The following DPP10 variants were observed in gnomAD, a reference collection of about 807,000 sequenced individuals.
DPP10 encodes dipeptidyl peptidase like 10, also known as inactive dipeptidyl peptidase 10.
A neutral mutation model predicts 120.9 loss-of-function variants in DPP10; 33 were observed. That is an observed-to-expected ratio of 0.27 (90% CI 0.21 to 0.37). The LOEUF is 0.37. Among genes scored for constraint, DPP10 ranks in the 10% least tolerant of loss-of-function variants. The pLI is 1.00. For missense variants in DPP10, 816 were observed against 942.8 expected (o/e 0.87, Z 1.76); for synonymous variants, 337 against 326.1 (o/e 1.03, Z -0.36).
chr2:114,713,792 C>T (rs1212606996), intron 1 of DPP10, among the ~76,000 whole-genome samples: 1 of 151,896 alleles, frequency 6.6e-6, no homozygotes, highest in Non-Finnish European at 1.5e-5. Context: ...TTGAGACCAG[C>T]CTGGCCAACA....
At chr2:115,755,200 A>C (rs1462562364) in intron 11 of DPP10, among the ~76,000 whole-genome samples, 6 of 152,104 alleles carry the variant, frequency 3.9e-5, no homozygotes, top group Non-Finnish European at 8.8e-5. Context: ...TACAATAACA[A>C]AGTTATTAGA....
chr2:114,687,876 A>G (rs1313662228), intron 1 of DPP10, among the ~76,000 whole-genome samples: 3 of 152,022 alleles, frequency 2.0e-5, no homozygotes, highest in African/African-American at 7.2e-5. Context: ...CCGTCTCTTC[A>G]GAATGCCCTT....
At chr2:114,794,987 G>A (rs1203734718) in intron 1 of DPP10, among the ~76,000 whole-genome samples, 1 of 152,042 alleles carries the variant, frequency 6.6e-6, no homozygotes, top group African/African-American at 2.4e-5. Context: ...TAATACTTTT[G>A]TTTTAATCCT....
chr2:115,635,389 T>G (rs1220097006), intron 5 of DPP10, among the ~76,000 whole-genome samples: 1 of 152,098 alleles, frequency 6.6e-6, no homozygotes, highest in Non-Finnish European at 1.5e-5. Context: ...AAAGTGTGGT[T>G]TCCCAGGCAG....
chr2:115,476,971 C>T (rs895291700), intron 3 of DPP10, among the ~76,000 whole-genome samples: 6 of 152,100 alleles, frequency 3.9e-5, no homozygotes, highest in East Asian at 1.9e-4. Flanking sequence ...AATACCCTTT[C>T]GTGATGAAAA....
At chr2:115,311,301 A>C (rs1025473886) in intron 2 of DPP10, among the ~76,000 whole-genome samples, 1 of 152,190 alleles carries the variant, frequency 6.6e-6, no homozygotes, top group African/African-American at 2.4e-5. Flanking sequence ...GAGATAATGT[A>C]GTTCAAGAGT....
Position 114,723,711 on chromosome 2 carries a change from AT to A in DPP10, c.60+280881del, listed in dbSNP as rs1320407541. 7.9e-5 allele frequency among the ~76,000 whole-genome samples: 12 copies of A among 151,344 alleles called. No homozygotes were observed. In the South Asian group the frequency reaches 2.1e-3, roughly 26 times the overall value. On this transcript the variant is annotated intron_variant, in intron 1 of 25. Transcript: ENST00000410059. ...TTCTCCCCCTACCCTCTTTAGTGCT[AT>A]TTTTTTTCTAAAATTGCCCTTTCCT...
chr2:115,637,273 T>C (rs1450628338), intron 5 of DPP10, among the ~76,000 whole-genome samples: 2 of 152,134 alleles, frequency 1.3e-5, no homozygotes, highest in Non-Finnish European at 2.9e-5. Context: ...AAAATATCTT[T>C]CAAAAAACTG....
At chr2:115,245,393 A>G (rs1407481280) in intron 1 of DPP10, among the ~76,000 whole-genome samples, 1 of 152,150 alleles carries the variant, frequency 6.6e-6, no homozygotes, top group Non-Finnish European at 1.5e-5. Context: ...CAACATCACT[A>G]ATTATCAGAG....
rs75145380 is a variant in DPP10, at chr2:115,829,891, T to C, written c.1951-6266T>C. The stretch of plus-strand genomic sequence containing the variant: ...GCCACTGTTTATTACTTATTAATTA[T>C]GGATATGACTTGATTGAAGACATTA... On this transcript the variant is annotated intron_variant, in intron 21 of 25. Coordinates refer to ENST00000410059, the MANE Select transcript of DPP10 (RefSeq NM_020868.6). Among the ~76,000 whole-genome samples the C allele has an allele frequency of 3.9e-5, 6 of 152,278 alleles. No individual in the cohort carries two copies. In the East Asian group the frequency reaches 1.2e-3, roughly 29 times the overall value.
chr2:115,594,718 C>A (rs1312414178), intron 5 of DPP10, among the ~76,000 whole-genome samples: 1 of 152,064 alleles, frequency 6.6e-6, no homozygotes, highest in Non-Finnish European at 1.5e-5. Flanking sequence ...GATGATAAAC[C>A]ACTTTTTGAG....
intron 1 of DPP10, among the ~76,000 whole-genome samples, chr2:114,633,276 G>GTGCGGGACACACTTGCTTTGTCTGAC (rs1695080622): frequency 1.0e-5 from 1 of 97,694 alleles, no homozygotes; most frequent in African/African-American, 4.5e-5. Context: ...TTTTTTGACA[G>GTGCGGGACACACTTGCTTTGTCTGAC]AGTCTCGCTC....
intron 1 of DPP10, among the ~76,000 whole-genome samples, chr2:114,617,998 A>G (rs1042750826): frequency 1.3e-5 from 2 of 152,096 alleles, no homozygotes; most frequent in African/African-American, 4.8e-5. Flanking sequence ...TACATGTCAG[A>G]TAATACAGAA....
Position 115,381,963 on chromosome 2 carries a change from A to T in DPP10, c.271+38051A>T, listed in dbSNP as rs534967725. 4.9e-3 allele frequency among the ~76,000 whole-genome samples: 747 copies of T among 152,146 alleles called. 4 individuals are homozygous for T. The highest frequency in any genetic ancestry group is 0.016 in the African/African-American group (675 of 41,526). On this transcript the variant is annotated intron_variant, in intron 3 of 25. Transcript: ENST00000410059. ...AACCACTGCTCTCTTCAAAGCTGTCAGACAGGGACATTTACGTCTGCAGAG... is the reference window on the plus strand; with the variant it reads ...AACCACTGCTCTCTTCAAAGCTGTCTGACAGGGACATTTACGTCTGCAGAG...
chr2:114,911,686 A>G (rs1650049348), intron 1 of DPP10, among the ~76,000 whole-genome samples: 1 of 152,252 alleles, frequency 6.6e-6, no homozygotes. Context: ...TGCCAAAAGC[A>G]CTATGTGGGA....
At chr2:114,757,166 T>C in intron 1 of DPP10, among the ~76,000 whole-genome samples, 1 of 73,496 alleles carries the variant, frequency 1.4e-5, no homozygotes, top group Non-Finnish European at 2.7e-5. Flanking sequence ...GGGAGAGAGG[T>C]GGGAGAAAAG....
At chr2:115,719,959 G>T (rs1479172836) in intron 7 of DPP10, among the ~76,000 whole-genome samples, 1 of 152,062 alleles carries the variant, frequency 6.6e-6, no homozygotes, top group South Asian at 2.1e-4. Context: ...ATCGTTATTG[G>T]CTATCACAAA....
chr2:114,602,137 T>C (rs993385730), intron 1 of DPP10, among the ~76,000 whole-genome samples: 1 of 151,934 alleles, frequency 6.6e-6, no homozygotes, highest in Non-Finnish European at 1.5e-5. Flanking sequence ...ACCAATGGTA[T>C]TTTTTGTGGC....
chr2:115,628,701 G>A (rs1486576614), intron 5 of DPP10, among the ~76,000 whole-genome samples: 1 of 152,042 alleles, frequency 6.6e-6, no homozygotes, highest in Non-Finnish European at 1.5e-5. Context: ...TGTATAAGGT[G>A]TAAGGAGGGG....
Sources: allele counts gnomAD v4.1 joint callset (sites outside exome capture counted in the v4.1 genomes callset), GRCh38; gene constraint gnomAD v4.1.1; transcripts MANE v1.5; gene names NCBI Gene and HGNC (gene_info 2026-07-23, HGNC 2026-07-21).